Variants in EPHB1 observed in about 807,000 individuals in gnomAD.
EPHB1 encodes the protein EPH receptor B1.
EPHB1 carries 30 observed loss-of-function variants against 94.4 expected under a neutral mutation model. The ratio of observed to expected loss-of-function variants is 0.32; its 90% CI spans 0.24 to 0.43. EPHB1 has a LOEUF of 0.43. Ranked by LOEUF, EPHB1 falls within the 20% of genes least tolerant of loss-of-function variation. The pLI is 1.00. For missense variants in EPHB1, 1,055 were observed against 1,308.3 expected, an observed-to-expected ratio of 0.81 and a Z score of 2.99; for synonymous variants, 522 against 489.1, an observed-to-expected ratio of 1.07 and a Z score of -0.89.
chr3:135,104,391 A>G (rs904549431), intron 3 of EPHB1, among the ~76,000 whole-genome samples: 9 of 152,212 alleles, frequency 5.9e-5, no homozygotes, highest in East Asian at 5.8e-4. Flanking sequence ...TCTCCCTTTC[A>G]TGTTTGATGT....
At chr3:135,228,848 C>T (rs1943464961) in intron 12 of EPHB1, among the ~76,000 whole-genome samples, 1 of 152,152 alleles carries the variant, frequency 6.6e-6, no homozygotes, top group Admixed American at 6.5e-5. Context: ...ATCTGCCCTC[C>T]ATATGCAAGG....
At chr3:134,882,282 T>C (rs1036719663) in intron 1 of EPHB1, among the ~76,000 whole-genome samples, 2 of 152,232 alleles carry the variant, frequency 1.3e-5, no homozygotes, top group Non-Finnish European at 2.9e-5. Flanking sequence ...AAAGAAAAAC[T>C]TGTCAGAAAT....
At chr3:134,856,611 C>G (rs10935139) in intron 1 of EPHB1, among the ~76,000 whole-genome samples, 86,081 of 152,136 alleles carry the variant, frequency 0.57, 26,496 homozygotes, top group East Asian at 0.8. Flanking sequence ...CCAGCCACAT[C>G]TGGCTGCCAA....
intron 1 of EPHB1, among the ~76,000 whole-genome samples, chr3:134,865,111 T>A (rs868855968): frequency 9.9e-5 from 15 of 151,770 alleles, no homozygotes; most frequent in African/African-American, 1.7e-4. Context: ...AGAGAGAGAG[T>A]GTGTGTGTGT....
At chr3:134,926,038 G>C (rs1662504548) in intron 2 of EPHB1, among the ~76,000 whole-genome samples, 158 bp downstream of exon 2, 1 of 152,170 alleles carries the variant, frequency 6.6e-6, no homozygotes. Flanking sequence ...ACAGCACCAG[G>C]GGTCTCAGAC....
intron 3 of EPHB1, among the ~76,000 whole-genome samples, chr3:135,028,515 T>G (rs1936282809): frequency 1.4e-5 from 2 of 143,268 alleles, no homozygotes; most frequent in Admixed American, 1.4e-4. Context: ...GTTGTTCAGT[T>G]TCCATGTAGG....
At chr3:135,169,620 A>G (rs1941747413) in intron 9 of EPHB1, among the ~76,000 whole-genome samples, 2 of 152,224 alleles carry the variant, frequency 1.3e-5, no homozygotes, top group South Asian at 4.1e-4. Context: ...CACATACAAC[A>G]GAAGGGGAAA....
chr3:134,941,744 T>TACACACAC (rs1560307333), intron 2 of EPHB1, among the ~76,000 whole-genome samples: 1 of 116,292 alleles, frequency 8.6e-6, no homozygotes, highest in Non-Finnish European at 1.7e-5. Flanking sequence ...GCTTTACATA[T>TACACACAC]GCACACAGAC....
At chr3:135,206,910 G>GA (rs899122315) in intron 12 of EPHB1, among the ~76,000 whole-genome samples, 26 of 146,724 alleles carry the variant, frequency 1.8e-4, no homozygotes, top group South Asian at 4.3e-4. Flanking sequence ...CTTCTTTTAA[G>GA]AAAAAAAAAA....
chr3:134,800,533 A>G (rs2035916891), intron 1 of EPHB1, among the ~76,000 whole-genome samples: 1 of 152,120 alleles, frequency 6.6e-6, no homozygotes, highest in Non-Finnish European at 1.5e-5. Context: ...CCTAACCCTA[A>G]AAGCTCAGCA....
chr3:135,196,506 G>A (rs946129407), intron 11 of EPHB1, among the ~76,000 whole-genome samples: 1 of 152,134 alleles, frequency 6.6e-6, no homozygotes, highest in Non-Finnish European at 1.5e-5. Flanking sequence ...ACACTGCATG[G>A]AGGCAGGTAA....
At position 135,192,702 on chromosome 3, in the gene EPHB1, G is replaced by A. The variant is rs1344861729; in HGVS notation, c.2009G>A (p.Ser670Asn). Reference sequence around the variant, plus strand: ...CGTCGGGACTTTCTGAGTGAGGCGAGCATCATGGGCCAGTTCGACCATCCT... The same window carrying A: ...CGTCGGGACTTTCTGAGTGAGGCGAACATCATGGGCCAGTTCGACCATCCT... ...KQRRDFLSEASIMGQFDHPNI... is the reference protein window; with the variant it reads ...KQRRDFLSEANIMGQFDHPNI... Residue 670 changes from serine (S) to asparagine (N), a missense_variant, in exon 11 of 16, where the codon AGC becomes AAC. Coordinates refer to ENST00000398015, the MANE Select transcript of EPHB1 (RefSeq NM_004441.5). The A allele has an allele frequency of 6.2e-7, 1 of 1,614,178 alleles. No individual in the cohort carries two copies. The highest frequency in any genetic ancestry group is 8.5e-7 in the Non-Finnish European group (1 of 1,180,034).
At chr3:134,849,888 C>A (rs1392759663) in intron 1 of EPHB1, among the ~76,000 whole-genome samples, 2 of 152,146 alleles carry the variant, frequency 1.3e-5, no homozygotes, top group African/African-American at 2.4e-5. Flanking sequence ...GGGGGATATG[C>A]CTCCTTTAAC....
intron 4 of EPHB1, among the ~76,000 whole-genome samples, chr3:135,127,984 A>G (rs1940271885): frequency 6.6e-6 from 1 of 152,214 alleles, no homozygotes; most frequent in Non-Finnish European, 1.5e-5. Context: ...CCCATCCTTT[A>G]AAAGGACTGA....
chr3:135,004,233 G>C (rs1296151332), intron 3 of EPHB1, among the ~76,000 whole-genome samples: 2 of 150,342 alleles, frequency 1.3e-5, no homozygotes, highest in East Asian at 3.9e-4. Flanking sequence ...AGTTTGGCTG[G>C]ATATGAAATT....
intron 6 of EPHB1, among the ~76,000 whole-genome samples, chr3:135,159,533 A>C (rs1222404353): frequency 6.6e-6 from 1 of 152,210 alleles, no homozygotes; most frequent in Non-Finnish European, 1.5e-5. Flanking sequence ...GGTGATTTTC[A>C]CAGTTTCAGA....
At chr3:135,017,283 C>T (rs369512726) in intron 3 of EPHB1, among the ~76,000 whole-genome samples, 1 of 151,774 alleles carries the variant, frequency 6.6e-6, no homozygotes, top group Non-Finnish European at 1.5e-5. Context: ...TCAAATGTAA[C>T]GTGAAAGAAA....
Position 135,048,291 on chromosome 3 carries a change from G to T in EPHB1, c.806-58157G>T, listed in dbSNP as rs1221931789. ...TTTTTTTTTTTTTTTTTGAGATAGGGTCTCACTCTTCCAGGCTGGAGTGCA... is the reference window on the plus strand; with the variant it reads ...TTTTTTTTTTTTTTTTTGAGATAGGTTCTCACTCTTCCAGGCTGGAGTGCA... On this transcript the variant is annotated intron_variant, in intron 3 of 15. Coordinates refer to ENST00000398015, the MANE Select transcript of EPHB1 (RefSeq NM_004441.5). Among the ~76,000 whole-genome samples, 5 of 113,362 alleles carry T rather than the reference G, an allele frequency of 4.4e-5. No individual in the cohort carries two copies. The East Asian group carries it at 1.0e-3, about 23-fold the overall frequency. The allele number at this position is 113,362 out of a possible 152,430, so 74.4% of individuals were successfully genotyped here. A position where few individuals can be genotyped will look rare whatever the true frequency, so the allele number is the denominator to read the frequency against.
At chr3:135,005,332 C>T (rs1100567) in intron 3 of EPHB1, among the ~76,000 whole-genome samples, 30,025 of 152,170 alleles carry the variant, frequency 0.2, 5,085 homozygotes, top group African/African-American at 0.46. Context: ...TCTCTAGCTG[C>T]GTGCTGGGAG....
Sources: gnomAD v4.1 joint callset for allele counts (sites outside exome capture counted in the v4.1 genomes callset) on GRCh38, gnomAD v4.1.1 for gene constraint, MANE v1.5 for transcripts, NCBI Gene and HGNC (gene_info 2026-07-23, HGNC 2026-07-21) for gene names.